STPG2: variants seen among roughly 807,000 people sequenced by gnomAD.
The protein encoded by STPG2 is sperm-tail PG-rich repeat-containing protein 2.
Under a neutral mutation model 54.2 loss-of-function variants are expected in STPG2, and 56 were observed. That is an observed-to-expected ratio of 1.03 (90% CI 0.83 to 1.29). The LOEUF is 1.29. Among genes scored for constraint, STPG2 ranks in the 50% most tolerant of loss-of-function variants. The pLI, the probability that STPG2 is intolerant of heterozygous loss-of-function variation, is 0.00. For synonymous variants in STPG2, 200 were observed against 181.8 expected (o/e 1.10, Z -0.81); for missense variants, 596 against 544.9 (o/e 1.09, Z -0.93).
intron 9 of STPG2, among the ~76,000 whole-genome samples, chr4:97,759,843 T>C (rs1725839349): frequency 6.6e-6 from 1 of 152,152 alleles, no homozygotes. Context: ...TTGGAGACTC[T>C]AGGAATTATA....
At chr4:97,969,332 C>G (rs559855322) in intron 7 of STPG2, among the ~76,000 whole-genome samples, 2 of 152,166 alleles carry the variant, frequency 1.3e-5, no homozygotes, top group African/African-American at 2.4e-5. Flanking sequence ...TACTTCTGCA[C>G]AGATGTTATG....
intron 10 of STPG2, among the ~76,000 whole-genome samples, chr4:97,621,369 T>C (rs761460579): frequency 4.6e-5 from 7 of 151,980 alleles, no homozygotes; most frequent in Non-Finnish European, 8.8e-5. Flanking sequence ...TTTGAAAACA[T>C]TACTAAGATT....
At chr4:97,607,709 T>C (rs961282958) in intron 10 of STPG2, among the ~76,000 whole-genome samples, 1 of 152,020 alleles carries the variant, frequency 6.6e-6, no homozygotes, top group Non-Finnish European at 1.5e-5. Context: ...AAATCAAATA[T>C]GTGTCAGAAG....
Position 97,724,636 on chromosome 4 carries a change from T to C in STPG2, c.1205-11822A>G, listed in dbSNP as rs189442737. Among the ~76,000 whole-genome samples the C allele has an allele frequency of 4.0e-3, 607 of 152,264 alleles. 10 individuals carry two copies. Among genetic ancestry groups the C allele is most frequent in the Non-Finnish European group, 1.9e-3 (130 of 68,016 alleles). The stretch of plus-strand genomic sequence containing the variant: ...GATATTTTTTAAATTTGCTATATGA[T>C]GCTATAATCTGCAATTTAAAGTAGG... On this transcript the variant is annotated intron_variant, in intron 9 of 10. Coordinates refer to ENST00000295268, the MANE Select transcript of STPG2 (RefSeq NM_174952.3).
chr4:97,575,767 C>A (rs1165138678), intron 10 of STPG2, among the ~76,000 whole-genome samples: 2 of 152,030 alleles, frequency 1.3e-5, no homozygotes, highest in Admixed American at 6.6e-5. Context: ...CTAGCCAGAG[C>A]AATCAGGCAA....
intron 10 of STPG2, among the ~76,000 whole-genome samples, chr4:97,703,813 T>C (rs961433194): frequency 2.0e-5 from 3 of 148,770 alleles, no homozygotes; most frequent in Non-Finnish European, 4.4e-5. Context: ...TGTGTGTGTG[T>C]ATATATACAT....
intron 8 of STPG2, among the ~76,000 whole-genome samples, chr4:97,910,496 C>A (rs944333412): frequency 5.3e-5 from 8 of 152,112 alleles, no homozygotes; most frequent in African/African-American, 1.7e-4. Context: ...ATAAACAGAA[C>A]AGAAAAGTAC....
intron 8 of STPG2, among the ~76,000 whole-genome samples, chr4:97,937,722 G>A (rs1397247155): frequency 6.6e-6 from 1 of 152,120 alleles, no homozygotes; most frequent in Non-Finnish European, 1.5e-5. Context: ...TGTCACCTGA[G>A]GAGGCTGAAG....
intron 5 of STPG2, among the ~76,000 whole-genome samples, chr4:98,034,738 A>G (rs1030648834): frequency 3.9e-5 from 6 of 152,154 alleles, no homozygotes; most frequent in Admixed American, 1.3e-4. Context: ...ATATTACCGT[A>G]CCAAAACAGA....
chr4:98,128,327 TA>T, intron 3 of STPG2, 100 bp downstream of exon 3: 1 of 1,118,330 alleles, frequency 8.9e-7, no homozygotes. Context: ...CTAAAACGTG[TA>T]ATCATTTTTT....
At chr4:97,813,752 T>C (rs1727821279) in intron 9 of STPG2, among the ~76,000 whole-genome samples, 1 of 148,458 alleles carries the variant, frequency 6.7e-6, no homozygotes, top group South Asian at 2.1e-4. Flanking sequence ...TTTTATTTCA[T>C]TTAAATTTTT....
intron 9 of STPG2, among the ~76,000 whole-genome samples, chr4:97,766,464 A>G (rs1394369399): frequency 6.6e-6 from 1 of 152,096 alleles, no homozygotes; most frequent in Non-Finnish European, 1.5e-5. Context: ...ATGAGTACAC[A>G]AAGATTTATG....
rs530602209 is a variant in STPG2, at chr4:97,630,391, T to C, written c.1321-71274A>G. On this transcript the variant is annotated intron_variant, in intron 10 of 10. Coordinates refer to ENST00000295268, the MANE Select transcript of STPG2 (RefSeq NM_174952.3). ...CATTATATTAAAAAGCACTATTACA[T>C]ACAATGTAGCAAAGATGAAATCAGA... Among the ~76,000 whole-genome samples the C allele has an allele frequency of 4.6e-5, 7 of 152,010 alleles. No homozygotes were observed. The East Asian group carries it at 1.3e-3, about 29-fold the overall frequency.
At chr4:97,660,966 G>A (rs1722358690) in intron 10 of STPG2, among the ~76,000 whole-genome samples, 1 of 152,070 alleles carries the variant, frequency 6.6e-6, no homozygotes. Context: ...GCATGAATGA[G>A]CACACTTGGC....
chr4:97,717,997 T>C (rs1724342356), intron 9 of STPG2, among the ~76,000 whole-genome samples: 1 of 152,084 alleles, frequency 6.6e-6, no homozygotes, highest in South Asian at 2.1e-4. Flanking sequence ...TTTGGAGCCA[T>C]ATTACCAAGA....
At chr4:97,926,318 G>C (rs1301812909) in intron 8 of STPG2, among the ~76,000 whole-genome samples, 1 of 152,102 alleles carries the variant, frequency 6.6e-6, no homozygotes, top group Non-Finnish European at 1.5e-5. Flanking sequence ...GCATAAAACA[G>C]ACCTCAAATT....
At chr4:97,821,514 C>T (rs1168741964) in intron 9 of STPG2, among the ~76,000 whole-genome samples, 2 of 152,180 alleles carry the variant, frequency 1.3e-5, no homozygotes, top group East Asian at 3.9e-4. Flanking sequence ...GTAGGCAGTG[C>T]CCCAGCGGGG....
chr4:97,988,026 T>TCACACA (rs3047311), intron 5 of STPG2, among the ~76,000 whole-genome samples: 1,583 of 141,672 alleles, frequency 0.011, 34 homozygotes, highest in African/African-American at 0.035. Context: ...GGTCTGAATG[T>TCACACA]CACACACACA....
At chr4:97,488,635 T>C (rs1408090864) in intron 4 of STPG2, among the ~76,000 whole-genome samples, 1 of 151,676 alleles carries the variant, frequency 6.6e-6, no homozygotes, top group Non-Finnish European at 1.5e-5. Context: ...CCCAGACTCA[T>C]AGCAAATCAG....
Sources: gnomAD v4.1 joint callset for allele counts (sites outside exome capture counted in the v4.1 genomes callset) on GRCh38, gnomAD v4.1.1 for gene constraint, MANE v1.5 for transcripts, NCBI Gene and HGNC (gene_info 2026-07-23, HGNC 2026-07-21) for gene names.